Variants in ANKFY1 observed in about 807,000 individuals in gnomAD.
The protein encoded by ANKFY1 is ankyrin repeat and FYVE domain containing 1, also known as ankyrin repeat and FYVE domain-containing protein 1.
In ANKFY1, 47 loss-of-function variants were observed where a neutral mutation model predicts 128.3. The observed-to-expected ratio is 0.37, with a 90% CI of 0.29 to 0.47. The LOEUF is 0.47. ANKFY1 is among the 20% of genes least tolerant of loss of function. The pLI is 1.00. For synonymous variants in ANKFY1, 553 were observed against 601.6 expected, an observed-to-expected ratio of 0.92 and a Z score of 1.18; for missense variants, 1,222 against 1,510.6, an observed-to-expected ratio of 0.81 and a Z score of 3.17.
chr17:4,219,783 A>G (rs944505540), intron 3 of ANKFY1, among the ~76,000 whole-genome samples: 2 of 152,164 alleles, frequency 1.3e-5, no homozygotes, highest in Non-Finnish European at 1.5e-5. Flanking sequence ...ACTATGTTAA[A>G]GTTTTTCTTT....
intron 3 of ANKFY1, chr17:4,222,446 T>C (rs1323837404): frequency 1.2e-6 from 1 of 806,580 alleles, no homozygotes; most frequent in East Asian, 2.4e-5. Flanking sequence ...GAATGTAAGC[T>C]GGGATTCCAA....
At chr17:4,210,554 C>G (rs2060107915) in intron 4 of ANKFY1, among the ~76,000 whole-genome samples, 1 of 151,684 alleles carries the variant, frequency 6.6e-6, no homozygotes, top group Non-Finnish European at 1.5e-5. Context: ...ACTAAAAATA[C>G]AAAATTAGCC....
At chr17:4,211,923 C>CAAA (rs139831926) in intron 4 of ANKFY1, among the ~76,000 whole-genome samples, 1 of 19,828 alleles carries the variant, frequency 5.0e-5, no homozygotes, top group African/African-American at 7.3e-5. Flanking sequence ...AACAAACAAA[C>CAAA]AAAAAACATC....
At position 4,240,192 on chromosome 17, in the gene ANKFY1, G is replaced by GT. The variant is rs530056399; in HGVS notation, c.203+2063dup. ...CGATTCTCCTGCCTCAGCCTCTCGA[G>GT]TAGCTGGGATTACAGGCGCCCGCCA... is the stretch of plus-strand genomic sequence containing the variant. On this transcript the variant is annotated intron_variant, in intron 2 of 24. Coordinates refer to ENST00000341657, the MANE Select transcript of ANKFY1 (RefSeq NM_001330063.2). 1.0e-3 allele frequency among the ~76,000 whole-genome samples: 157 copies of GT among 151,200 alleles called. 1 individual carries two copies. In the East Asian group the frequency reaches 0.028, roughly 27 times the overall value.
chr17:4,171,452 C>T (rs73972077), intron 22 of ANKFY1, among the ~76,000 whole-genome samples: 5,439 of 152,230 alleles, frequency 0.036, 314 homozygotes, highest in African/African-American at 0.12. Context: ...TCCCAGATGC[C>T]GGGTTTCTTT....
intron 3 of ANKFY1, among the ~76,000 whole-genome samples, chr17:4,229,004 T>C (rs1710186186): frequency 6.6e-6 from 1 of 152,184 alleles, no homozygotes; most frequent in South Asian, 2.1e-4. Flanking sequence ...TAGTAACTGC[T>C]ATGTAAAAAC....
intron 14 of ANKFY1, among the ~76,000 whole-genome samples, chr17:4,183,118 A>T (rs776621555): frequency 1.3e-5 from 2 of 152,172 alleles, no homozygotes; most frequent in Non-Finnish European, 2.9e-5. Context: ...AGGAAAAAAA[A>T]CCTGGATTTT....
intron 1 of ANKFY1, among the ~76,000 whole-genome samples, chr17:4,258,079 T>G (rs1224819757): frequency 6.6e-6 from 1 of 152,088 alleles, no homozygotes; most frequent in African/African-American, 2.4e-5. Flanking sequence ...AGGAGAAAGC[T>G]AACAGCTACA....
chr17:4,224,207 C>T (rs2060379169), intron 3 of ANKFY1, among the ~76,000 whole-genome samples: 1 of 146,264 alleles, frequency 6.8e-6, no homozygotes, highest in Admixed American at 6.9e-5. Context: ...AGTGACTCAC[C>T]TTTGAAGTTT....
At position 4,165,616 on chromosome 17, in the gene ANKFY1, A is replaced by G. The variant is rs567300411; in HGVS notation, c.*2163T>C. 4.6e-5 allele frequency: 7 copies of G among 152,344 alleles called. No individual in the cohort carries two copies. Among genetic ancestry groups the G allele is most frequent in the South Asian group, 4.1e-4 (2 of 4,826 alleles). The allele number at this position is 152,344 out of a possible 1,614,324, so 9.4% of individuals were successfully genotyped here. A position where few individuals can be genotyped will look rare whatever the true frequency, so the allele number is the denominator to read the frequency against. ...TCCACATGGATGCGCCCTGAAGCCA[A>G]TGGAAAACAGGACTCAATGTTCTCC... is the stretch of plus-strand genomic sequence containing the variant. On this transcript the variant is annotated 3_prime_UTR_variant, in exon 25 of 25. Transcript: ENST00000341657.
At position 4,181,436 on chromosome 17, in the gene ANKFY1, G is replaced by T. The variant is rs1160473731; in HGVS notation, c.2122-64C>A. 3.5e-6 allele frequency: 4 copies of T among 1,154,260 alleles called. No individual in the cohort carries two copies. Among genetic ancestry groups the T allele is most frequent in the African/African-American group, 1.5e-5 (1 of 65,998 alleles). 71.5% of individuals were successfully genotyped at this position (1,154,260 alleles called of 1,614,324 possible). ...CAAAGGCAAACAGTTTTATTACCAAGTCTGAGCTCTATGTATAGCATTAAA... is the reference window on the plus strand; with the variant it reads ...CAAAGGCAAACAGTTTTATTACCAATTCTGAGCTCTATGTATAGCATTAAA... On this transcript the variant is annotated intron_variant, in intron 15 of 24. Coordinates refer to ENST00000341657, the MANE Select transcript of ANKFY1 (RefSeq NM_001330063.2). This position sits in a 1 kb window ranked among gnomAD's most constrained non-coding sequence, Gnocchi z 4.9.
intron 1 of ANKFY1, among the ~76,000 whole-genome samples, chr17:4,262,739 C>T (rs987477083): frequency 2.9e-4 from 44 of 151,766 alleles, no homozygotes; most frequent in African/African-American, 9.9e-4. Flanking sequence ...AGAGCGAGAC[C>T]CTATCTCAAA....
chr17:4,222,939 G>A (rs554675778), intron 3 of ANKFY1: 8 of 1,251,988 alleles, frequency 6.4e-6, no homozygotes, highest in Admixed American at 1.7e-5. Context: ...CTTGCGGATA[G>A]AGAAGAACGA....
chr17:4,215,063 C>T (rs943710288), intron 4 of ANKFY1, among the ~76,000 whole-genome samples: 2 of 151,870 alleles, frequency 1.3e-5, no homozygotes, highest in Admixed American at 6.6e-5. Flanking sequence ...CTGAGGCGGG[C>T]GGATCACCTG....
chr17:4,176,947 G>C (rs2059420575), intron 19 of ANKFY1, among the ~76,000 whole-genome samples, 179 bp downstream of exon 19: 2 of 152,232 alleles, frequency 1.3e-5, no homozygotes, highest in African/African-American at 2.4e-5. Flanking sequence ...ACGCAGCCCA[G>C]TGGGGCGCTC....
At chr17:4,219,849 T>G (rs1204525010) in intron 3 of ANKFY1, among the ~76,000 whole-genome samples, 1 of 152,096 alleles carries the variant, frequency 6.6e-6, no homozygotes, top group Non-Finnish European at 1.5e-5. Context: ...GAGACAGAGT[T>G]TTGCTCTTGT....
intron 4 of ANKFY1, among the ~76,000 whole-genome samples, chr17:4,215,769 T>A (rs968972118): frequency 1.3e-5 from 2 of 152,164 alleles, no homozygotes; most frequent in Non-Finnish European, 2.9e-5. Flanking sequence ...CCCAAGACAT[T>A]TTTACAAAAG....
chr17:4,208,988 G>A (rs1234669930), intron 5 of ANKFY1, among the ~76,000 whole-genome samples: 1 of 152,028 alleles, frequency 6.6e-6, no homozygotes, highest in Non-Finnish European at 1.5e-5. Context: ...GAACCTGGGA[G>A]GCGGAGGTTG....
In ANKFY1 at chr17:4,209,963, C is replaced by G. The variant is rs750213622; in HGVS notation, c.459-16G>C. On this transcript the variant is annotated splice_polypyrimidine_tract_variant and intron_variant, in intron 4 of 24. Transcript: ENST00000341657. ...CTTCTCACATCTGTAAGAGAGTATT[C>G]ATCATGAGGAGTATTACTGGACAAA... 1 of 1,601,474 alleles carries G rather than the reference C, an allele frequency of 6.2e-7. No individual in the cohort carries two copies. Among genetic ancestry groups the G allele is most frequent in the Non-Finnish European group, 8.5e-7 (1 of 1,169,706 alleles).
Sources: gnomAD v4.1 joint callset for allele counts (sites outside exome capture counted in the v4.1 genomes callset) on GRCh38, gnomAD v4.1.1 for gene constraint, Gnocchi (gnomAD v3.1) non-coding constraint, MANE v1.5 for transcripts, NCBI Gene and HGNC (gene_info 2026-07-23, HGNC 2026-07-21) for gene names.